Variants in NBAS observed in about 807,000 individuals in gnomAD.
The protein encoded by NBAS is NBAS subunit of NRZ tethering complex.
NBAS carries 219 observed loss-of-function variants against 302.5 expected under a neutral mutation model. That is an observed-to-expected ratio of 0.72 (90% CI 0.65 to 0.81). NBAS has a LOEUF of 0.81. Ranked by LOEUF, NBAS falls within the 30% of genes least tolerant of loss-of-function variation. The pLI, the probability that NBAS is intolerant of heterozygous loss-of-function variation, is 0.00. For synonymous variants in NBAS, 1,118 were observed against 1,021.6 expected, an observed-to-expected ratio of 1.09 and a Z score of -1.80; for missense variants, 2,932 against 2,841.6, an observed-to-expected ratio of 1.03 and a Z score of -0.72.
chr2:15,042,028 T>C, the NBAS span, among the ~76,000 whole-genome samples: 2 of 152,196 alleles, frequency 1.3e-5, no homozygotes, highest in African/African-American at 4.8e-5. Context: ...CTCTATTTGC[T>C]TTCAACATGG....
chr2:15,358,462 A>G (rs2148318493), intron 32 of NBAS, among the ~76,000 whole-genome samples: 1 of 152,158 alleles, frequency 6.6e-6, no homozygotes, highest in Non-Finnish European at 1.5e-5. Flanking sequence ...TTATTTATTT[A>G]GAGATGTGGT....
chr2:14,829,393 A>G, the NBAS span, among the ~76,000 whole-genome samples: 3 of 152,184 alleles, frequency 2.0e-5, no homozygotes, highest in Admixed American at 2.0e-4. Context: ...TCCTGTATCT[A>G]CTACTGAAAG....
chr2:15,090,680 C>G, the NBAS span, among the ~76,000 whole-genome samples: 1 of 152,186 alleles, frequency 6.6e-6, no homozygotes, highest in African/African-American at 2.4e-5. Flanking sequence ...AGGTAGGTAG[C>G]TAACGTGGCC....
chr2:15,546,410 T>C (rs1033622381), intron 6 of NBAS, among the ~76,000 whole-genome samples: 2 of 152,228 alleles, frequency 1.3e-5, no homozygotes, highest in African/African-American at 2.4e-5. Context: ...ATCACAATTC[T>C]GGAACAAAAT....
chr2:15,500,768 C>T (rs960104502), intron 11 of NBAS, among the ~76,000 whole-genome samples: 2 of 150,390 alleles, frequency 1.3e-5, no homozygotes, highest in Non-Finnish European at 3.0e-5. Flanking sequence ...TAAAAAAATA[C>T]AAAAAATCAG....
the NBAS span, among the ~76,000 whole-genome samples, chr2:15,115,367 T>G: frequency 6.6e-6 from 1 of 152,230 alleles, no homozygotes; most frequent in Non-Finnish European, 1.5e-5. Context: ...AACTTAGATT[T>G]GATTATTTAG....
chr2:15,378,714 A>G (rs763355), intron 30 of NBAS, among the ~76,000 whole-genome samples: 92,336 of 151,974 alleles, frequency 0.61, 29,008 homozygotes, highest in Non-Finnish European at 0.68. Context: ...GAAAAACACA[A>G]TGGTTGCATG....
At chr2:15,426,752 T>C (rs1403372380) in intron 22 of NBAS, among the ~76,000 whole-genome samples, 1 of 152,240 alleles carries the variant, frequency 6.6e-6, no homozygotes, top group African/African-American at 2.4e-5. Flanking sequence ...CCGTATGTTT[T>C]GCCCTTCTTG....
the NBAS span, among the ~76,000 whole-genome samples, chr2:14,865,626 T>C: frequency 2.0e-5 from 3 of 152,196 alleles, no homozygotes; most frequent in Admixed American, 6.5e-5. Context: ...AGCAAGTATA[T>C]TAATCTAATA....
chr2:14,825,928 G>A, the NBAS span, among the ~76,000 whole-genome samples: 2 of 152,182 alleles, frequency 1.3e-5, no homozygotes, highest in Admixed American at 6.5e-5. Flanking sequence ...GATGAGATAC[G>A]AGTGAGCAGG....
At chr2:15,041,251 C>A in the NBAS span, among the ~76,000 whole-genome samples, 1 of 152,168 alleles carries the variant, frequency 6.6e-6, no homozygotes, top group Admixed American at 6.5e-5. Flanking sequence ...GGCTCAAGGA[C>A]CACCTCAGGA....
intron 31 of NBAS, among the ~76,000 whole-genome samples, chr2:15,372,932 T>C (rs1302582081): frequency 6.6e-6 from 1 of 152,072 alleles, no homozygotes; most frequent in Non-Finnish European, 1.5e-5. Flanking sequence ...ACCAATCTGC[T>C]TGAATTAAAT....
At chr2:14,992,628 C>T in the NBAS span, among the ~76,000 whole-genome samples, 4 of 152,244 alleles carry the variant, frequency 2.6e-5, no homozygotes, top group Non-Finnish European at 5.9e-5. Context: ...TGGAGTCAGC[C>T]CCGAATCTGT....
chr2:15,433,357 G>T (rs1275465355), intron 21 of NBAS, among the ~76,000 whole-genome samples: 10 of 152,046 alleles, frequency 6.6e-5, no homozygotes, highest in Admixed American at 6.6e-4. Context: ...AGTACATAAA[G>T]GCCCTTACAA....
At chr2:15,258,761 A>AT (rs1423823170) in intron 44 of NBAS, among the ~76,000 whole-genome samples, 1 of 152,084 alleles carries the variant, frequency 6.6e-6, no homozygotes, top group East Asian at 1.9e-4. Flanking sequence ...GGAGTTTTTG[A>AT]TTTTGCCCTT....
intron 35 of NBAS, among the ~76,000 whole-genome samples, chr2:15,332,039 T>C (rs986487366): frequency 2.0e-5 from 3 of 152,134 alleles, no homozygotes; most frequent in Non-Finnish European, 2.9e-5. Flanking sequence ...CCCACAGTTG[T>C]TGGCTTTGAA....
chr2:15,056,254 TGA>T, the NBAS span, among the ~76,000 whole-genome samples: 1 of 152,306 alleles, frequency 6.6e-6, no homozygotes, highest in East Asian at 1.9e-4. Flanking sequence ...AAGGATTAGA[TGA>T]TAGGAAAGAA....
intron 25 of NBAS, among the ~76,000 whole-genome samples, chr2:15,415,304 T>G (rs1676873537): frequency 6.6e-6 from 1 of 152,254 alleles, no homozygotes. Flanking sequence ...TTCTTGGTAT[T>G]GCCAGCTTCT....
the NBAS span, among the ~76,000 whole-genome samples, chr2:14,950,865 G>T: frequency 7.2e-5 from 11 of 152,306 alleles, no homozygotes; most frequent in African/African-American, 2.6e-4. Flanking sequence ...CCTTTCAGTT[G>T]TCATTAATTT....
Sources: allele counts gnomAD v4.1 joint callset (sites outside exome capture counted in the v4.1 genomes callset), GRCh38; gene constraint gnomAD v4.1.1; transcripts MANE v1.5; gene names NCBI Gene and HGNC (gene_info 2026-07-23, HGNC 2026-07-21).